ADK: variants seen among roughly 807,000 people sequenced by gnomAD.
ADK encodes the protein adenosine kinase.
ADK carries 24 observed loss-of-function variants against 44.7 expected under a neutral mutation model. The observed-to-expected ratio is 0.54, with a 90% CI of 0.39 to 0.76. The LOEUF is 0.76. Ranked by LOEUF, ADK falls within the 30% of genes least tolerant of loss-of-function variation. The pLI is 0.00. For synonymous variants in ADK, 128 were observed against 142.6 expected (o/e 0.90, Z 0.73); for missense variants, 321 against 425.1 (o/e 0.76, Z 2.15).
chr10:74,529,556 C>T (rs1301104588), intron 7 of ADK, among the ~76,000 whole-genome samples: 1 of 151,966 alleles, frequency 6.6e-6, no homozygotes, highest in Non-Finnish European at 1.5e-5. Context: ...TTTTATTCTA[C>T]AAATCAGTAA....
chr10:74,224,393 A>C, intron 2 of ADK, 145 bp from the exon 3 acceptor site: 1 of 692,684 alleles, frequency 1.4e-6, no homozygotes, highest in Non-Finnish European at 2.7e-6. Context: ...AACAGCAAAA[A>C]ACCGTCTACT....
At chr10:74,164,443 G>C (rs985139486) in intron 1 of ADK, among the ~76,000 whole-genome samples, 5 of 152,164 alleles carry the variant, frequency 3.3e-5, no homozygotes, top group Admixed American at 1.3e-4. Context: ...GGCTGAGGCA[G>C]GATAATTGCT....
intron 3 of ADK, among the ~76,000 whole-genome samples, chr10:74,308,867 C>G (rs2132547270): frequency 6.6e-6 from 1 of 152,244 alleles, no homozygotes; most frequent in South Asian, 2.1e-4. Context: ...CTCGCTCTCT[C>G]TCTCTCTCCT....
chr10:74,662,001 C>G (rs1854753139), intron 9 of ADK, among the ~76,000 whole-genome samples: 1 of 152,130 alleles, frequency 6.6e-6, no homozygotes, highest in African/African-American at 2.4e-5. Context: ...TATTGTTCAA[C>G]AAATACTTAT....
chr10:74,686,113 C>G (rs1344366674), intron 10 of ADK, among the ~76,000 whole-genome samples: 1 of 152,032 alleles, frequency 6.6e-6, no homozygotes, highest in Non-Finnish European at 1.5e-5. Context: ...AGGTGCCCAC[C>G]ACCACGCCTG....
chr10:74,287,941 C>G (rs1479279422), intron 3 of ADK, among the ~76,000 whole-genome samples: 1 of 141,844 alleles, frequency 7.1e-6, no homozygotes, highest in Non-Finnish European at 1.5e-5. Flanking sequence ...ATAATGGTGC[C>G]ACTACACTCC....
At chr10:74,539,546 C>T (rs1849558600) in intron 7 of ADK, among the ~76,000 whole-genome samples, 1 of 152,078 alleles carries the variant, frequency 6.6e-6, no homozygotes, top group Non-Finnish European at 1.5e-5. Context: ...GTGGAAGTCC[C>T]CTTTCTGAGA....
chr10:74,247,110 G>A (rs1356146054), intron 3 of ADK, among the ~76,000 whole-genome samples: 1 of 150,902 alleles, frequency 6.6e-6, no homozygotes, highest in Non-Finnish European at 1.5e-5. Flanking sequence ...TTTCATAGAT[G>A]AGAATACTAT....
intron 4 of ADK, among the ~76,000 whole-genome samples, chr10:74,379,986 C>T (rs1458313212): frequency 1.3e-5 from 2 of 152,178 alleles, no homozygotes; most frequent in Admixed American, 6.5e-5. Context: ...GATTGTACCA[C>T]TGCACTCCAG....
At chr10:74,632,395 A>G (rs1853472816) in intron 9 of ADK, among the ~76,000 whole-genome samples, 1 of 152,200 alleles carries the variant, frequency 6.6e-6, no homozygotes, top group Non-Finnish European at 1.5e-5. Flanking sequence ...ACAAAAATTT[A>G]TTATTTCACA....
intron 9 of ADK, among the ~76,000 whole-genome samples, chr10:74,613,365 G>T (rs1236491915): frequency 1.3e-5 from 2 of 152,064 alleles, no homozygotes; most frequent in East Asian, 3.9e-4. Context: ...CTGGAAAAAC[G>T]AAAACAGAAC....
At chr10:74,151,413 A>C (rs936529442) in intron 1 of ADK, 70 bp downstream of exon 1, 1 of 1,478,028 alleles carries the variant, frequency 6.8e-7, no homozygotes, top group Non-Finnish European at 9.2e-7. Flanking sequence ...GTGGGGTTGC[A>C]CGGCCCCGAC....
intron 6 of ADK, among the ~76,000 whole-genome samples, chr10:74,477,559 C>T (rs1237051400): frequency 6.6e-6 from 1 of 152,126 alleles, no homozygotes; most frequent in East Asian, 1.9e-4. Flanking sequence ...TCTTCATTCT[C>T]TTTTCCTAGA....
intron 4 of ADK, among the ~76,000 whole-genome samples, chr10:74,320,236 G>T (rs1451207206): frequency 6.6e-6 from 1 of 152,148 alleles, no homozygotes; most frequent in Non-Finnish European, 1.5e-5. Flanking sequence ...GTTGGATATA[G>T]AATTCTTGGT....
intron 10 of ADK, among the ~76,000 whole-genome samples, chr10:74,688,082 G>A (rs1855857447): frequency 6.6e-6 from 1 of 151,902 alleles, no homozygotes. Context: ...TTTCACCTTT[G>A]CCTGCATGAT....
rs750397555 is a variant in ADK at position 74,655,994 on chromosome 10, C to T, written c.878-14189C>T. The T allele has an allele frequency of 2.1e-5, 14 of 662,456 alleles. 2 individuals are homozygous for T. The highest frequency in any genetic ancestry group is 7.2e-5 in the African/African-American group (4 of 55,836). The allele number at this position is 662,456 out of a possible 1,614,324, so 41.0% of individuals were successfully genotyped here. On this transcript the variant is annotated intron_variant, in intron 9 of 10. Coordinates refer to ENST00000539909, the MANE Select transcript of ADK (RefSeq NM_006721.4). ...TGACTCTGGACGTGACCATGGGAAC[C>T]GCCTGCTCTTTCCTGCAGGAGCTGG...
chr10:74,702,524 TTTCCTTCCTTCC>T (rs59918097), intron 10 of ADK, among the ~76,000 whole-genome samples: 43 of 120,886 alleles, frequency 3.6e-4, no homozygotes, highest in South Asian at 8.8e-4. Context: ...TCCTTCCTTC[TTTCCTTCCTTCC>T]TTCCTTCCTT....
intron 9 of ADK, among the ~76,000 whole-genome samples, chr10:74,665,858 C>CT (rs1854938163): frequency 6.6e-6 from 1 of 151,958 alleles, no homozygotes; most frequent in Non-Finnish European, 1.5e-5. Context: ...AAACACCTGC[C>CT]TACCTGCCTT....
At chr10:74,168,518 G>A (rs1428330463) in intron 1 of ADK, among the ~76,000 whole-genome samples, 5 of 130,956 alleles carry the variant, frequency 3.8e-5, no homozygotes, top group South Asian at 2.5e-4. Context: ...CAGCCTGGGC[G>A]ACAGAGCGAG....
Sources: gnomAD v4.1 joint callset for allele counts (sites outside exome capture counted in the v4.1 genomes callset) on GRCh38, gnomAD v4.1.1 for gene constraint, MANE v1.5 for transcripts, NCBI Gene and HGNC (gene_info 2026-07-23, HGNC 2026-07-21) for gene names.